SYNE1: variants seen among roughly 807,000 people sequenced by gnomAD.
SYNE1 encodes the protein spectrin repeat containing nuclear envelope protein 1.
Under a neutral mutation model 1,111.0 loss-of-function variants are expected in SYNE1, and 616 were observed. That is an observed-to-expected ratio of 0.55 (90% CI 0.52 to 0.59). The LOEUF is 0.59. Ranked by LOEUF, SYNE1 falls within the 20% of genes least tolerant of loss-of-function variation. The pLI is 0.00. For synonymous variants in SYNE1, 3,855 were observed against 3,825.8 expected, an observed-to-expected ratio of 1.01 and a Z score of -0.28; for missense variants, 10,006 against 10,417.0, an observed-to-expected ratio of 0.96 and a Z score of 1.72.
intron 73 of SYNE1, among the ~76,000 whole-genome samples, chr6:152,346,262 G>A (rs1295859467): frequency 1.3e-5 from 2 of 151,992 alleles, no homozygotes; most frequent in South Asian, 2.1e-4. Flanking sequence ...TGCCTCCCAC[G>A]TTCAAGCGAT....
At chr6:152,348,186 A>G (rs2096672427) in intron 72 of SYNE1, among the ~76,000 whole-genome samples, 1 of 152,204 alleles carries the variant, frequency 6.6e-6, no homozygotes, top group Admixed American at 6.5e-5. Flanking sequence ...GGAATTATAT[A>G]TAAGCCTGAC....
At chr6:152,485,553 T>A (rs1342912569) in intron 12 of SYNE1, among the ~76,000 whole-genome samples, 1 of 152,202 alleles carries the variant, frequency 6.6e-6, no homozygotes, top group Non-Finnish European at 1.5e-5. Flanking sequence ...TATTAAAATA[T>A]TAAGTATATC....
chr6:152,419,497 T>G, intron 40 of SYNE1, 72 bp downstream of exon 40: 1 of 1,448,014 alleles, frequency 6.9e-7, no homozygotes, highest in Non-Finnish European at 9.4e-7. Flanking sequence ...AAATGTTGCA[T>G]CTCTTTTTAA....
At chr6:152,614,264 T>C (rs1335320627) in intron 3 of SYNE1, among the ~76,000 whole-genome samples, 1 of 152,046 alleles carries the variant, frequency 6.6e-6, no homozygotes, top group Non-Finnish European at 1.5e-5. Flanking sequence ...ATCCAGAATC[T>C]ACAAAGAACT....
At chr6:152,251,312 A>G (rs542252412) in intron 104 of SYNE1, among the ~76,000 whole-genome samples, 17 of 152,206 alleles carry the variant, frequency 1.1e-4, no homozygotes, top group African/African-American at 4.1e-4. Context: ...AGGTGGTAGG[A>G]AACACAGAGT....
At chr6:152,534,882 G>GA (rs370805650) in intron 4 of SYNE1, among the ~76,000 whole-genome samples, 25 of 152,252 alleles carry the variant, frequency 1.6e-4, no homozygotes, top group African/African-American at 4.3e-4. Flanking sequence ...TTTGTTTTTA[G>GA]AAAAAACATG....
chr6:152,452,898 G>A (rs70018), intron 25 of SYNE1, among the ~76,000 whole-genome samples: 79,732 of 152,058 alleles, frequency 0.52, 22,786 homozygotes, highest in East Asian at 0.76. Flanking sequence ...GTGCTGTTGT[G>A]TCACCCCCTG....
intron 127 of SYNE1, among the ~76,000 whole-genome samples, chr6:152,193,101 T>G (rs950661628): frequency 6.6e-6 from 1 of 152,174 alleles, no homozygotes; most frequent in Non-Finnish European, 1.5e-5. Flanking sequence ...TGCCATTTTA[T>G]TATTTGTTTT....
At chr6:152,463,269 A>G (rs1424674474) in intron 19 of SYNE1, 84 bp downstream of exon 19, 2 of 1,593,362 alleles carry the variant, frequency 1.3e-6, no homozygotes, top group East Asian at 4.5e-5. Context: ...CCCGTGCTCT[A>G]AAAATAGCAT....
chr6:152,441,215 T>C lies in SYNE1; in HGVS notation c.4064A>G (p.Tyr1355Cys). 1 of 1,612,640 alleles carries C rather than the reference T, an allele frequency of 6.2e-7. No individual in the cohort carries two copies. The highest frequency in any genetic ancestry group is 8.5e-7 in the Non-Finnish European group (1 of 1,179,116). The change falls in exon 32 of 146, where the codon TAC becomes TGC. Residue 1355 changes from tyrosine (Y) to cysteine (C), a missense_variant. Around this residue, in one of 7 missense-constraint regions of SYNE1, gnomAD observed 1,971 missense variants for 2,084.1 expected, o/e 0.95. Transcript: ENST00000367255. The stretch of plus-strand genomic sequence containing the variant: ...ATGACTGGAACCTGTTTGAAAAAGG[T>C]ATCTTACTACTGTTTCTTTGTTTGT... Reference protein sequence around the residue: ...FETNKETVVRYLFQTGSSHER... With the variant: ...FETNKETVVRCLFQTGSSHER...
chr6:152,535,527 C>T (rs1388709391), intron 4 of SYNE1, among the ~76,000 whole-genome samples: 2 of 152,040 alleles, frequency 1.3e-5, no homozygotes, highest in Non-Finnish European at 2.9e-5. Context: ...TAAAACATGG[C>T]TATTTGAGAC....
chr6:152,189,434 C>T (rs778430998), intron 127 of SYNE1, 27 bp from the exon 128 acceptor site: 2 of 1,611,324 alleles, frequency 1.2e-6, no homozygotes, highest in East Asian at 2.2e-5. Context: ...ACTTGAATAC[C>T]CACGGACATC....
At chr6:152,164,048 C>T (rs2063098581) in intron 131 of SYNE1, 115 bp downstream of exon 131, 9 of 1,432,708 alleles carry the variant, frequency 6.3e-6, no homozygotes, top group Non-Finnish European at 8.8e-6. Flanking sequence ...CCAGTCCTGC[C>T]TAGCTCCCTG....
At chr6:152,145,554 A>G in intron 137 of SYNE1, 1 of 1,614,038 alleles carries the variant, frequency 6.2e-7, no homozygotes, top group South Asian at 1.1e-5. Flanking sequence ...GGATCATTAC[A>G]TCTGCAAAAA....
Position 152,194,021 on chromosome 6 carries a change from A to T in SYNE1, c.23146-4614T>A, listed in dbSNP as rs528570194. Among the ~76,000 whole-genome samples, 16 of 152,114 alleles carry T rather than the reference A, an allele frequency of 1.1e-4. No individual in the cohort carries two copies. The East Asian group carries it at 2.7e-3, about 26-fold the overall frequency. On this transcript the variant is annotated intron_variant, in intron 127 of 145. Coordinates refer to ENST00000367255, the MANE Select transcript of SYNE1 (RefSeq NM_182961.4). ...GAGCAAGACTGTCTCGAAAAAAAAA[A>T]AAAAAGGTATAGCTTATACAACACA... is the stretch of plus-strand genomic sequence containing the variant.
chr6:152,555,355 A>T (rs2099361376), intron 3 of SYNE1, among the ~76,000 whole-genome samples: 1 of 152,172 alleles, frequency 6.6e-6, no homozygotes, highest in Non-Finnish European at 1.5e-5. Context: ...TTATGTTTAG[A>T]TATGTTTAGA....
intron 3 of SYNE1, among the ~76,000 whole-genome samples, chr6:152,579,132 A>G (rs1190241891): frequency 6.6e-5 from 10 of 152,202 alleles, no homozygotes; most frequent in Admixed American, 6.5e-4. Context: ...GACAACAATA[A>G]TATTTCTGGT....
At chr6:152,138,135 G>A (rs753111307) in intron 140 of SYNE1, among the ~76,000 whole-genome samples, 5 of 152,188 alleles carry the variant, frequency 3.3e-5, no homozygotes, top group Non-Finnish European at 5.9e-5. Context: ...ATGGGGTAGT[G>A]TAGAGGCCTT....
intron 39 of SYNE1, among the ~76,000 whole-genome samples, chr6:152,424,322 T>C (rs1240364427): frequency 6.6e-6 from 1 of 152,262 alleles, no homozygotes; most frequent in East Asian, 1.9e-4. Flanking sequence ...ATTATCCTTA[T>C]ATGCATACAT....
Sources: allele counts gnomAD v4.1 joint callset (sites outside exome capture counted in the v4.1 genomes callset), GRCh38; gene constraint gnomAD v4.1.1; regional missense constraint gnomAD v4.1.1; transcripts MANE v1.5; gene names NCBI Gene and HGNC (gene_info 2026-07-23, HGNC 2026-07-21).